EML6: variants seen among roughly 807,000 people sequenced by gnomAD.
The protein encoded by EML6 is EMAP like 6, also known as echinoderm microtubule-associated protein-like 6.
A neutral mutation model predicts 240.1 loss-of-function variants in EML6; 154 were observed. The observed-to-expected ratio is 0.64, with a 90% CI of 0.56 to 0.73. The LOEUF is 0.73. EML6 is among the 30% of genes least tolerant of loss of function. The probability of loss-of-function intolerance (pLI) is 0.00; values close to 1 mark genes in which losing one functional copy is unlikely to be tolerated. For missense variants in EML6, 2,964 were observed against 2,474.6 expected (o/e 1.20, Z -4.20); for synonymous variants, 1,148 against 899.0 (o/e 1.28, Z -4.95).
chr2:54,861,774 T>TG (rs1191346876), intron 12 of EML6, among the ~76,000 whole-genome samples: 1 of 150,182 alleles, frequency 6.7e-6, no homozygotes, highest in Non-Finnish European at 1.5e-5. Flanking sequence ...TTTTTGTTTT[T>TG]TTTTTTTTTT....
At chr2:54,876,294 A>G (rs1354697632) in intron 16 of EML6, among the ~76,000 whole-genome samples, 1 of 152,224 alleles carries the variant, frequency 6.6e-6, no homozygotes, top group African/African-American at 2.4e-5. Flanking sequence ...TGTAGTATAT[A>G]CACAGAAATA....
At chr2:54,761,245 A>G (rs1450936857) in intron 2 of EML6, among the ~76,000 whole-genome samples, 1 of 152,108 alleles carries the variant, frequency 6.6e-6, no homozygotes, top group African/African-American at 2.4e-5. Flanking sequence ...AATGTTATAA[A>G]CTTGAATTTT....
At chr2:54,953,871 A>G (rs1676102843) in intron 31 of EML6, 112 bp from the exon 32 acceptor site, 20 of 898,346 alleles carry the variant, frequency 2.2e-5, no homozygotes, top group Non-Finnish European at 3.1e-5. Flanking sequence ...TGGGCAACAG[A>G]GCAAGACTCT....
intron 7 of EML6, among the ~76,000 whole-genome samples, chr2:54,830,618 T>A (rs1213931124): frequency 6.6e-6 from 1 of 152,166 alleles, no homozygotes; most frequent in Non-Finnish European, 1.5e-5. Context: ...CAGTGCGCGG[T>A]GCTCTCTGCC....
At chr2:54,729,318 G>C (rs555666053) in intron 2 of EML6, among the ~76,000 whole-genome samples, 2 of 152,340 alleles carry the variant, frequency 1.3e-5, no homozygotes, top group East Asian at 3.9e-4. Context: ...AACTTTGTGT[G>C]TTTTGTGACC....
At chr2:54,909,063 A>G (rs1432337173) in intron 24 of EML6, among the ~76,000 whole-genome samples, 1 of 152,222 alleles carries the variant, frequency 6.6e-6, no homozygotes, top group African/African-American at 2.4e-5. Context: ...GTGAAGTATG[A>G]TCTTTGAAAC....
chr2:54,832,309 C>T (rs143516907), intron 7 of EML6, among the ~76,000 whole-genome samples: 1 of 152,344 alleles, frequency 6.6e-6, no homozygotes, highest in East Asian at 1.9e-4. Flanking sequence ...CTGTTGCGCT[C>T]AGCCAGGCCT....
Position 54,827,861 on chromosome 2 carries a change from A to T in EML6, c.711+110A>T, listed in dbSNP as rs141656480. The stretch of plus-strand genomic sequence containing the variant: ...CTTTAGAATCAGAGAACCCTGCTGA[A>T]CACTCCCTACTCATGATAATTTCCC... On this transcript the variant is annotated intron_variant, in intron 6 of 41. Coordinates refer to ENST00000356458, the MANE Select transcript of EML6 (RefSeq NM_001039753.4). 2.6e-3 allele frequency: 1,905 copies of T among 719,124 alleles called. 6 individuals carry two copies. The highest frequency in any genetic ancestry group is 3.1e-3 in the Non-Finnish European group (1,335 of 425,418). The allele number at this position is 719,124 out of a possible 1,614,324, so 44.5% of individuals were successfully genotyped here.
intron 7 of EML6, among the ~76,000 whole-genome samples, chr2:54,832,159 A>G (rs112034432): frequency 0.016 from 2,439 of 152,282 alleles, 73 homozygotes; most frequent in African/African-American, 0.055. Context: ...TGTAGCATCA[A>G]AAGAAGAAAG....
intron 28 of EML6, among the ~76,000 whole-genome samples, chr2:54,947,523 C>T (rs565494727): frequency 1.6e-3 from 247 of 151,998 alleles, no homozygotes; most frequent in Non-Finnish European, 3.2e-3. Context: ...GCAAGCCATT[C>T]GAGCAGGCAG....
rs373600303 is a variant in EML6 at position 54,727,535 on chromosome 2, T to C, written c.197+2277T>C. On this transcript the variant is annotated intron_variant, in intron 2 of 41. Transcript: ENST00000356458. ...CACAATGCACAATTTTTTGTCCTTA[T>C]GAATTTTAATTCGTTTCTGTGTATC... is the stretch of plus-strand genomic sequence containing the variant. Among the ~76,000 whole-genome samples the C allele has an allele frequency of 2.6e-5, 4 of 152,276 alleles. No individual in the cohort carries two copies. In the South Asian group the frequency reaches 6.2e-4, roughly 24 times the overall value.
rs58937764 is a variant in EML6 at position 54,815,705 on chromosome 2, T to C, written c.358-1082T>C. Reference sequence around the variant, plus strand: ...ACACATTAAAAAACCCTCAACGATGTGTGTTATATTAAAAATTCCTAATGG... The same window carrying C: ...ACACATTAAAAAACCCTCAACGATGCGTGTTATATTAAAAATTCCTAATGG... On this transcript the variant is annotated intron_variant, in intron 3 of 41. Transcript: ENST00000356458. Among the ~76,000 whole-genome samples, 719 of 152,334 alleles carry C rather than the reference T, an allele frequency of 4.7e-3. 9 individuals carry two copies. The highest frequency in any genetic ancestry group is 0.017 in the African/African-American group (698 of 41,578).
chr2:54,928,673 A>C lies in EML6; in HGVS notation c.3926A>C (p.Lys1309Thr), dbSNP rs1035470692. The C allele has an allele frequency of 6.4e-7, 1 of 1,552,050 alleles. No individual in the cohort carries two copies. The highest frequency in any genetic ancestry group is 8.7e-7 in the Non-Finnish European group (1 of 1,147,052). ...AREKAIDYTTKIYAVSIREME... is the reference protein window; with the variant it reads ...AREKAIDYTTTIYAVSIREME... ...GAAAAGGCCATTGACTACACCACCAAGATTTATGCTGTGAGCATCAGGGAA... is the reference window on the plus strand; with the variant it reads ...GAAAAGGCCATTGACTACACCACCACGATTTATGCTGTGAGCATCAGGGAA... Residue 1309 changes from lysine to threonine, a missense_variant, in exon 28 of 42, where the codon AAG becomes ACG. Physicochemically the swap from Lys to Thr is moderately conservative, Grantham distance 78. Coordinates refer to ENST00000356458, the MANE Select transcript of EML6 (RefSeq NM_001039753.4).
At chr2:54,937,975 C>T (rs1169849972) in intron 28 of EML6, among the ~76,000 whole-genome samples, 1 of 152,188 alleles carries the variant, frequency 6.6e-6, no homozygotes, top group Non-Finnish European at 1.5e-5. Context: ...GCTTTAATCC[C>T]ACTTCTGACA....
intron 32 of EML6, 33 bp downstream of exon 32, chr2:54,954,189 G>A: frequency 6.5e-7 from 1 of 1,536,814 alleles, no homozygotes; most frequent in Non-Finnish European, 8.8e-7. Flanking sequence ...GTCCCTCCAG[G>A]GTGTCTGCCT....
chr2:54,844,310 G>T, intron 8 of EML6, 62 bp downstream of exon 8: 1 of 1,339,040 alleles, frequency 7.5e-7, no homozygotes. Flanking sequence ...GCCCAAATTT[G>T]CTTATTAATA....
In EML6 at chr2:54,970,201, A is replaced by G. The variant is rs1395774221; in HGVS notation, c.*106A>G. 8 of 1,103,710 alleles carry G rather than the reference A, an allele frequency of 7.2e-6. No homozygotes were observed. In the Admixed American group the frequency reaches 1.2e-4, roughly 16 times the overall value. The allele number at this position is 1,103,710 out of a possible 1,614,324, so 68.4% of individuals were successfully genotyped here. ...CACCAGCCGTTGGGAAATGCCTACC[A>G]TGCTGCCCCGGATGCACAAGCTCAA... On this transcript the variant is annotated 3_prime_UTR_variant, in exon 42 of 42. Coordinates refer to ENST00000356458, the MANE Select transcript of EML6 (RefSeq NM_001039753.4).
At chr2:54,746,382 G>C (rs17046269) in intron 2 of EML6, among the ~76,000 whole-genome samples, 12,674 of 151,548 alleles carry the variant, frequency 0.084, 1,102 homozygotes, top group East Asian at 0.5. Context: ...GGAGCAACAA[G>C]TCAGAGGTTT....
rs1378844132 is a variant in EML6 at position 54,917,456 on chromosome 2, C to G, written c.3675+521C>G. 4.0e-5 allele frequency among the ~76,000 whole-genome samples: 6 copies of G among 151,292 alleles called. No homozygotes were observed. In the East Asian group the frequency reaches 1.2e-3, roughly 29 times the overall value. On this transcript the variant is annotated intron_variant, in intron 26 of 41. Coordinates refer to ENST00000356458, the MANE Select transcript of EML6 (RefSeq NM_001039753.4). The stretch of plus-strand genomic sequence containing the variant: ...CTCGGCTGACCGCAACTTCTGCCTC[C>G]CAGGTTCAGGCAATTCCCTGCCTCA...
Sources: allele counts gnomAD v4.1 joint callset (sites outside exome capture counted in the v4.1 genomes callset), GRCh38; gene constraint gnomAD v4.1.1; transcripts MANE v1.5; gene names NCBI Gene and HGNC (gene_info 2026-07-23, HGNC 2026-07-21).